HOXA3: variants seen among roughly 807,000 people sequenced by gnomAD.
The protein encoded by HOXA3 is homeobox A3.
HOXA3 carries 8 observed loss-of-function variants against 30.3 expected under a neutral mutation model. The observed-to-expected ratio is 0.26, with a 90% confidence interval of 0.15 to 0.48. The LOEUF is 0.48. Ranked by LOEUF, HOXA3 falls within the 20% of genes least tolerant of loss-of-function variation. The pLI, the probability that HOXA3 is intolerant of heterozygous loss-of-function variation, is 0.99. For missense variants in HOXA3, 653 were observed against 614.4 expected (o/e 1.06, Z -0.66); for synonymous variants, 323 against 273.1 (o/e 1.18, Z -1.80).
At chr7:27,132,745 A>G (rs1375444187) in intron 2 of HOXA3, among the ~76,000 whole-genome samples, 1 of 152,236 alleles carries the variant, frequency 6.6e-6, no homozygotes, top group African/African-American at 2.4e-5. Flanking sequence ...AAAAAATAAT[A>G]TACACATAGG....
rs753798091 is a variant in HOXA3 at position 27,110,181 on chromosome 7, G to C, written c.460C>G (p.Gln154Glu). The C allele has an allele frequency of 8.7e-6, 14 of 1,614,048 alleles. No individual in the cohort carries two copies. Among genetic ancestry groups the C allele is most frequent in the Non-Finnish European group, 1.1e-5 (13 of 1,180,034 alleles). ...PLLNSPTVAK[Q>E]IFPWMKESRQ... The stretch of plus-strand genomic sequence containing the variant: ...GACTCTTTCATCCAGGGGAAGATTT[G>C]TTTGGCCACTGTGGGTGAGTTGAGC... The change falls in exon 5 of 6, where the codon CAA becomes GAA. Residue 154 changes from glutamine (Q) to glutamate (E), a missense_variant. Gln to Glu is a conservative substitution (Grantham distance 29, BLOSUM62 2). Coordinates refer to ENST00000612286, the MANE Select transcript of HOXA3 (RefSeq NM_153631.3).
chr7:27,130,900 C>T, intron 2 of HOXA3: 2 of 705,692 alleles, frequency 2.8e-6, no homozygotes, highest in South Asian at 3.3e-5. Context: ...GACGCCGCCA[C>T]CAAAGTTCGA....
At chr7:27,124,737 C>T (rs951955911) in intron 3 of HOXA3, 21 of 152,168 alleles carry the variant, frequency 1.4e-4, no homozygotes, top group African/African-American at 5.1e-4. Context: ...ATTTCAATAT[C>T]TCCCTTGCAC....
At chr7:27,110,934 G>C (rs775643871) in intron 4 of HOXA3, among the ~76,000 whole-genome samples, 174 bp from the exon 5 acceptor site, 1 of 152,250 alleles carries the variant, frequency 6.6e-6, no homozygotes, top group Non-Finnish European at 1.5e-5. Context: ...TTTACTGGCA[G>C]CTACAAATAT....
chr7:27,110,844 A>C lies in HOXA3; in HGVS notation c.-120-84T>G, dbSNP rs1784332003. The C allele has an allele frequency of 8.7e-6, 6 of 693,126 alleles. No homozygotes were observed. The East Asian group carries it at 1.8e-4, about 21-fold the overall frequency. 42.9% of individuals were successfully genotyped at this position (693,126 alleles called of 1,614,324 possible). A position where few individuals can be genotyped will look rare whatever the true frequency, so the allele number is the denominator to read the frequency against. The stretch of plus-strand genomic sequence containing the variant: ...ATAGCTAAGTGACATGAAAGCCATA[A>C]AAGAAAAAGTGGTCAGCAATATTTA... On this transcript the variant is annotated intron_variant, in intron 4 of 5. Coordinates refer to ENST00000612286, the MANE Select transcript of HOXA3 (RefSeq NM_153631.3).
At chr7:27,134,302 G>A (rs193255538) in intron 2 of HOXA3, 39 of 152,276 alleles carry the variant, frequency 2.6e-4, no homozygotes, top group African/African-American at 8.4e-4. Context: ...CACAACGCAG[G>A]GATGAGGACT....
chr7:27,145,688 C>G, intron 1 of HOXA3: 1 of 1,614,144 alleles, frequency 6.2e-7, no homozygotes, highest in Non-Finnish European at 8.5e-7. Flanking sequence ...CTGAGTCCTC[C>G]CCGCTGGGCT....
chr7:27,129,148 G>C, intron 2 of HOXA3: 1 of 887,760 alleles, frequency 1.1e-6, no homozygotes. Context: ...GATGGGGAGG[G>C]GTGGATGAGG....
intron 2 of HOXA3, among the ~76,000 whole-genome samples, chr7:27,139,334 C>T (rs948273803): frequency 6.6e-6 from 1 of 152,044 alleles, no homozygotes; most frequent in African/African-American, 2.4e-5. Flanking sequence ...GTCCTGAACA[C>T]CCCCCCACAC....
At chr7:27,141,909 T>G (rs780920908) in intron 1 of HOXA3, 14 of 1,614,246 alleles carry the variant, frequency 8.7e-6, no homozygotes, top group Non-Finnish European at 1.1e-5. Flanking sequence ...CACTTCATTC[T>G]CCGGTTTTGG....
intron 2 of HOXA3, chr7:27,130,051 ACC>A (rs1785455592): frequency 1.3e-6 from 2 of 1,504,110 alleles, no homozygotes; most frequent in East Asian, 5.1e-5. Flanking sequence ...CTCCCTCCTG[ACC>A]CCGACCCTCG....
chr7:27,130,408 C>T, intron 2 of HOXA3: 2 of 1,169,968 alleles, frequency 1.7e-6, no homozygotes, highest in East Asian at 3.8e-5. Flanking sequence ...CCGCCCGGGG[C>T]TGGCGCCGCC....
At chr7:27,143,879 C>G (rs1255206760) in intron 1 of HOXA3, among the ~76,000 whole-genome samples, 2 of 152,170 alleles carry the variant, frequency 1.3e-5, no homozygotes, top group Non-Finnish European at 2.9e-5. Context: ...CGGGCGCGTG[C>G]CCGCCGCCAG....
chr7:27,108,081 G>C lies in HOXA3; in HGVS notation c.1166C>G (p.Pro389Arg), dbSNP rs771076275. ...GPALFGLTHL[P>R]HAASGAMDYG... is the part of the protein sequence containing the mutation. Reference sequence around the variant, plus strand: ...GTCCATGGCGCCCGAGGCAGCGTGGGGGAGGTGAGTTAGACCAAAGAGGGC... The same window carrying C: ...GTCCATGGCGCCCGAGGCAGCGTGGCGGAGGTGAGTTAGACCAAAGAGGGC... Residue 389 changes from proline to arginine, a missense_variant, in exon 6 of 6, where the codon CCC becomes CGC. This residue lies in a region of HOXA3 where 330 missense variants were observed against 274.4 expected (regional missense o/e 1.20). Coordinates refer to ENST00000612286, the MANE Select transcript of HOXA3 (RefSeq NM_153631.3). The surrounding 1 kb of genome is among the most constrained non-coding windows in gnomAD (Gnocchi z 5.0). 36 of 1,612,844 alleles carry C rather than the reference G, an allele frequency of 2.2e-5. No individual in the cohort carries two copies. Among genetic ancestry groups the C allele is most frequent in the Non-Finnish European group, 5.1e-6 (6 of 1,179,248 alleles).
intron 4 of HOXA3, among the ~76,000 whole-genome samples, chr7:27,118,337 A>G (rs1784838956): frequency 6.6e-6 from 1 of 152,182 alleles, no homozygotes. Flanking sequence ...TAGAAAACGT[A>G]ATCACAGGCG....
At chr7:27,148,639 G>A (rs1782869867) in intron 1 of HOXA3, among the ~76,000 whole-genome samples, 1 of 152,228 alleles carries the variant, frequency 6.6e-6, no homozygotes. Flanking sequence ...TGAACCCAGG[G>A]AATTGAAAGG....
intron 1 of HOXA3, among the ~76,000 whole-genome samples, chr7:27,144,842 C>T (rs944842487): frequency 2.6e-5 from 4 of 152,236 alleles, no homozygotes; most frequent in South Asian, 2.1e-4. Context: ...GCCCCTGGCA[C>T]GTCTGGAAGC....
At position 27,108,222 on chromosome 7, in the gene HOXA3, T is replaced by C; in HGVS notation, c.1025A>G (p.Tyr342Cys). Residue 342 changes from tyrosine to cysteine, a missense_variant, in exon 6 of 6, where the codon TAT (tyrosine) becomes TGT (cysteine). Physicochemically the swap from Tyr to Cys is radical, Grantham distance 194 (BLOSUM62 -2). Around this residue, in one of 3 missense-constraint regions of HOXA3, gnomAD observed 330 missense variants for 274.4 expected, o/e 1.20. Coordinates refer to ENST00000612286, the MANE Select transcript of HOXA3 (RefSeq NM_153631.3). This position sits in a 1 kb window ranked among gnomAD's most constrained non-coding sequence, Gnocchi z 5.0. ...CTGCAGGCCATGAGCGTGCGGGTCATAGTCGGGGGTGCCCCCTGCGCCCGC... is the reference window on the plus strand; with the variant it reads ...CTGCAGGCCATGAGCGTGCGGGTCACAGTCGGGGGTGCCCCCTGCGCCCGC... The part of the protein sequence containing the change: ...AGAGAGGTPD[Y>C]DPHAHGLQGN... 3 of 1,524,992 alleles carry C rather than the reference T, an allele frequency of 2.0e-6. No homozygotes were observed. Among genetic ancestry groups the C allele is most frequent in the Non-Finnish European group, 2.6e-6 (3 of 1,136,346 alleles). The allele number at this position is 1,524,992 out of a possible 1,614,324, so 94.5% of individuals were successfully genotyped here.
At position 27,107,873 on chromosome 7, in the gene HOXA3, G is replaced by T; in HGVS notation, c.*42C>A. 1.6e-6 allele frequency: 2 copies of T among 1,290,020 alleles called. No individual in the cohort carries two copies. Among genetic ancestry groups the T allele is most frequent in the South Asian group, 2.2e-5 (1 of 46,118 alleles). The allele number at this position is 1,290,020 out of a possible 1,614,324, so 79.9% of individuals were successfully genotyped here. ...AAAAAGCAACCAAAGAAAAAAGGTGGGTGGGGGGAGACTCTCCTGGCGCGT... is the reference window on the plus strand; with the variant it reads ...AAAAAGCAACCAAAGAAAAAAGGTGTGTGGGGGGAGACTCTCCTGGCGCGT... On this transcript the variant is annotated 3_prime_UTR_variant, in exon 6 of 6. Coordinates refer to ENST00000612286, the MANE Select transcript of HOXA3 (RefSeq NM_153631.3).
Sources: allele counts gnomAD v4.1 joint callset (sites outside exome capture counted in the v4.1 genomes callset), GRCh38; gene constraint gnomAD v4.1.1; regional missense constraint gnomAD v4.1.1; non-coding constraint Gnocchi (gnomAD v3.1); transcripts MANE v1.5; gene names NCBI Gene and HGNC (gene_info 2026-07-23, HGNC 2026-07-21).